The following PHACTR1 variants were observed in gnomAD, a reference collection of about 807,000 sequenced individuals.
The protein encoded by PHACTR1 is phosphatase and actin regulator 1, also known as RPEL repeat containing 1.
PHACTR1 carries 16 observed loss-of-function variants against 69.2 expected under a neutral mutation model. The ratio of observed to expected loss-of-function variants is 0.23; its 90% CI spans 0.16 to 0.35. The LOEUF (loss-of-function observed/expected upper bound fraction) is 0.35. Among genes scored for constraint, PHACTR1 ranks in the 10% least tolerant of loss-of-function variants. The probability of loss-of-function intolerance (pLI) is 1.00; values close to 1 mark genes in which losing one functional copy is unlikely to be tolerated. For missense variants in PHACTR1, 510 were observed against 734.7 expected, an observed-to-expected ratio of 0.69 and a Z score of 3.54; for synonymous variants, 312 against 284.5, an observed-to-expected ratio of 1.10 and a Z score of -0.97.
intron 6 of PHACTR1, among the ~76,000 whole-genome samples, chr6:13,172,231 CA>C (rs1760726044): frequency 6.6e-6 from 1 of 152,152 alleles, no homozygotes; most frequent in Non-Finnish European, 1.5e-5. Context: ...ATCTCTGCCC[CA>C]GTTGCATTTT....
intron 4 of PHACTR1, among the ~76,000 whole-genome samples, chr6:12,829,978 G>GAC (rs1237945818): frequency 9.7e-5 from 14 of 144,282 alleles, no homozygotes; most frequent in Admixed American, 9.2e-4. Flanking sequence ...GAGAGAGAGA[G>GAC]AGAGAGAGAG....
intron 4 of PHACTR1, among the ~76,000 whole-genome samples, chr6:12,831,556 T>C (rs992044453): frequency 6.6e-5 from 10 of 152,112 alleles, no homozygotes; most frequent in African/African-American, 2.2e-4. Context: ...TAAATTCACA[T>C]TGCACTATTG....
intron 4 of PHACTR1, among the ~76,000 whole-genome samples, chr6:12,862,511 A>C (rs1003518475): frequency 6.6e-6 from 1 of 152,148 alleles, no homozygotes; most frequent in African/African-American, 2.4e-5. Flanking sequence ...AGAGATACTT[A>C]CTGTTTAGGG....
chr6:12,916,655 A>G (rs1787044746), intron 4 of PHACTR1, among the ~76,000 whole-genome samples: 1 of 152,004 alleles, frequency 6.6e-6, no homozygotes, highest in South Asian at 2.1e-4. Flanking sequence ...AGCAGCCCAT[A>G]TGACAAATTT....
At chr6:13,214,217 C>G (rs1328437554) in intron 8 of PHACTR1, 1 of 86,662 alleles carries the variant, frequency 1.2e-5, no homozygotes, top group Non-Finnish European at 2.8e-5. Flanking sequence ...GCGCTTTCCC[C>G]TGAAAAAAAA....
At chr6:12,874,756 A>G (rs746902916) in intron 4 of PHACTR1, among the ~76,000 whole-genome samples, 2 of 152,344 alleles carry the variant, frequency 1.3e-5, no homozygotes, top group Non-Finnish European at 2.9e-5. Context: ...AACAATTATA[A>G]GAATAATGCC....
chr6:12,752,093 C>A (rs1332851), intron 4 of PHACTR1, among the ~76,000 whole-genome samples: 2 of 152,292 alleles, frequency 1.3e-5, no homozygotes, highest in South Asian at 4.1e-4. Flanking sequence ...CTGCTCAAAT[C>A]GGGCGTTTAT....
chr6:13,180,564 AAAGAAGCAGAACTTGGC>A (rs1434898935), intron 6 of PHACTR1, among the ~76,000 whole-genome samples: 3 of 152,176 alleles, frequency 2.0e-5, no homozygotes, highest in Admixed American at 2.0e-4. Context: ...TCCTTCCCCC[AAAGAAGCAGAACTTGGC>A]AAGAGCCCTG....
chr6:13,155,985 A>G (rs1279263672), intron 5 of PHACTR1, among the ~76,000 whole-genome samples: 4 of 152,162 alleles, frequency 2.6e-5, no homozygotes, highest in Non-Finnish European at 5.9e-5. Flanking sequence ...AACCCAAGTA[A>G]ACTCAAATCA....
chr6:13,252,964 C>T (rs541006513), intron 10 of PHACTR1: 2 of 416,526 alleles, frequency 4.8e-6, no homozygotes, highest in Non-Finnish European at 1.0e-5. Context: ...TTCTAAATAG[C>T]ATGAGATCTC....
At chr6:13,107,467 A>G (rs1309386228) in intron 5 of PHACTR1, among the ~76,000 whole-genome samples, 1 of 152,160 alleles carries the variant, frequency 6.6e-6, no homozygotes, top group Non-Finnish European at 1.5e-5. Context: ...TTATTCTTTA[A>G]TGTAGAATTC....
intron 8 of PHACTR1, among the ~76,000 whole-genome samples, chr6:13,207,136 T>C (rs191013298): frequency 6.6e-6 from 1 of 152,370 alleles, no homozygotes; most frequent in East Asian, 1.9e-4. Flanking sequence ...TGGAAAAATG[T>C]ATACGTAGTC....
chr6:12,747,569 G>A (rs1765958649), intron 3 of PHACTR1, among the ~76,000 whole-genome samples: 1 of 152,012 alleles, frequency 6.6e-6, no homozygotes, highest in Admixed American at 6.6e-5. Flanking sequence ...AGGAGGCTTG[G>A]GTGGGAGGAT....
chr6:13,254,876 A>G (rs1481362439), intron 10 of PHACTR1, among the ~76,000 whole-genome samples: 6 of 152,252 alleles, frequency 3.9e-5, no homozygotes, highest in Non-Finnish European at 8.8e-5. Context: ...GACATTATAG[A>G]TAGGAAATTC....
intron 6 of PHACTR1, among the ~76,000 whole-genome samples, chr6:13,175,209 C>T (rs1400362453): frequency 2.6e-5 from 4 of 152,088 alleles, no homozygotes; most frequent in African/African-American, 4.8e-5. Flanking sequence ...AGGTCTAAAC[C>T]GTATGTCAGG....
intron 10 of PHACTR1, among the ~76,000 whole-genome samples, chr6:13,270,815 TA>T (rs757692003): frequency 3.3e-5 from 5 of 152,056 alleles, no homozygotes; most frequent in Non-Finnish European, 7.4e-5. Flanking sequence ...AATTTATAAA[TA>T]AAAGAGGTTT....
intron 4 of PHACTR1, among the ~76,000 whole-genome samples, chr6:12,802,710 A>G (rs190362217): frequency 1.3e-5 from 2 of 152,328 alleles, no homozygotes; most frequent in East Asian, 3.9e-4. Context: ...TGTTTTTACA[A>G]CTGTGAATTT....
intron 4 of PHACTR1, among the ~76,000 whole-genome samples, chr6:12,898,518 T>A (rs575585590): frequency 6.6e-6 from 1 of 152,338 alleles, no homozygotes; most frequent in Non-Finnish European, 1.5e-5. Context: ...TCCTCCTTCA[T>A]GACCAAATGG....
chr6:13,126,045 A>G (rs1211780619), intron 5 of PHACTR1, among the ~76,000 whole-genome samples: 1 of 152,238 alleles, frequency 6.6e-6, no homozygotes, highest in African/African-American at 2.4e-5. Flanking sequence ...ATTTGATATT[A>G]AGAATTTAAT....
Sources: allele counts gnomAD v4.1 joint callset (sites outside exome capture counted in the v4.1 genomes callset), GRCh38; gene constraint gnomAD v4.1.1; transcripts MANE v1.5; gene names NCBI Gene and HGNC (gene_info 2026-07-23, HGNC 2026-07-21).